Variants in TENM3 observed in about 807,000 individuals in gnomAD.
TENM3 encodes the protein teneurin-3.
TENM3 carries 63 observed loss-of-function variants against 255.1 expected under a neutral mutation model. That is an observed-to-expected ratio of 0.25 (90% confidence interval 0.20 to 0.30). The LOEUF is 0.30. Ranked by LOEUF, TENM3 falls within the 10% of genes least tolerant of loss-of-function variation. The pLI, the probability that TENM3 is intolerant of heterozygous loss-of-function variation, is 1.00. For synonymous variants in TENM3, 1,306 were observed against 1,322.3 expected, an observed-to-expected ratio of 0.99 and a Z score of 0.27; for missense variants, 2,929 against 3,461.1, an observed-to-expected ratio of 0.85 and a Z score of 3.86.
intron 3 of TENM3, among the ~76,000 whole-genome samples, chr4:182,571,186 A>G (rs532992216): frequency 2.8e-4 from 42 of 152,304 alleles, no homozygotes; most frequent in African/African-American, 9.9e-4. Flanking sequence ...ATGAGGCTGT[A>G]TTATCATGAG....
chr4:181,667,306 TC>T, the TENM3 span, among the ~76,000 whole-genome samples: 3 of 152,104 alleles, frequency 2.0e-5, no homozygotes, highest in African/African-American at 7.2e-5. Flanking sequence ...GCACATCACT[TC>T]CAGACTGGTC....
chr4:182,130,590 C>T, the TENM3 span, among the ~76,000 whole-genome samples: 1 of 151,946 alleles, frequency 6.6e-6, no homozygotes, highest in Non-Finnish European at 1.5e-5. Flanking sequence ...ATTTTCATTA[C>T]CAAGTAAAAG....
chr4:182,527,958 C>T (rs565256393), intron 3 of TENM3, among the ~76,000 whole-genome samples: 1 of 152,176 alleles, frequency 6.6e-6, no homozygotes. Context: ...CATCTCTTGA[C>T]CTCGTGATCT....
intron 1 of TENM3, among the ~76,000 whole-genome samples, chr4:182,174,297 T>C (rs571950344): frequency 1.3e-5 from 2 of 151,982 alleles, no homozygotes; most frequent in South Asian, 4.1e-4. Context: ...ATTAGAAATG[T>C]AATTTATATA....
At chr4:182,755,418 C>T (rs931185017) in intron 22 of TENM3, 159 bp downstream of exon 22, 27 of 667,374 alleles carry the variant, frequency 4.0e-5, no homozygotes, top group African/African-American at 2.2e-4. Flanking sequence ...GGCTCATTCC[C>T]GTAGTCTCAG....
At chr4:181,667,377 T>C in the TENM3 span, among the ~76,000 whole-genome samples, 11 of 152,318 alleles carry the variant, frequency 7.2e-5, no homozygotes, top group African/African-American at 2.6e-4. Context: ...ACTACTGCTG[T>C]TTGTTTATAA....
the TENM3 span, among the ~76,000 whole-genome samples, chr4:182,010,945 C>T: frequency 5.3e-5 from 8 of 152,324 alleles, no homozygotes; most frequent in South Asian, 1.7e-3. Context: ...TCTGTGACAT[C>T]ATTCTCTTCA....
chr4:181,976,765 G>A, the TENM3 span, among the ~76,000 whole-genome samples: 3 of 152,166 alleles, frequency 2.0e-5, no homozygotes, highest in Middle Eastern at 3.2e-3. Flanking sequence ...GGAGTTGTCC[G>A]GATAGAAATG....
chr4:181,473,987 T>A, the TENM3 span, among the ~76,000 whole-genome samples: 11 of 151,690 alleles, frequency 7.3e-5, no homozygotes, highest in Admixed American at 2.0e-4. Flanking sequence ...GGCTCAATTT[T>A]AAAAATTTTA....
the TENM3 span, among the ~76,000 whole-genome samples, chr4:181,546,012 A>G: frequency 5.9e-5 from 9 of 152,220 alleles, no homozygotes; most frequent in Non-Finnish European, 1.0e-4. Flanking sequence ...TCTTGGAAAC[A>G]TACAGAGGAA....
chr4:181,501,599 C>T, the TENM3 span, among the ~76,000 whole-genome samples: 6 of 151,956 alleles, frequency 3.9e-5, no homozygotes, highest in Admixed American at 1.3e-4. Flanking sequence ...AGGCTGCTCT[C>T]GAATTCCTGG....
intron 2 of TENM3, among the ~76,000 whole-genome samples, chr4:182,330,125 G>T (rs1763654527): frequency 6.6e-6 from 1 of 152,116 alleles, no homozygotes; most frequent in Admixed American, 6.5e-5. Flanking sequence ...GGAGAGGAAA[G>T]ATTTCTTTTC....
At chr4:181,664,619 T>A in the TENM3 span, among the ~76,000 whole-genome samples, 2 of 152,154 alleles carry the variant, frequency 1.3e-5, no homozygotes, top group Non-Finnish European at 2.9e-5. Flanking sequence ...TCTACAGACT[T>A]CCAAGCTCAC....
chr4:182,784,710 C>T (rs1467796351), intron 24 of TENM3, among the ~76,000 whole-genome samples: 3 of 151,558 alleles, frequency 2.0e-5, no homozygotes, highest in East Asian at 2.0e-4. Flanking sequence ...AGCGAGACTC[C>T]GTGGGCGTAG....
intron 1 of TENM3, among the ~76,000 whole-genome samples, chr4:182,163,775 G>T (rs75093823): frequency 6.6e-6 from 1 of 152,270 alleles, no homozygotes; most frequent in East Asian, 1.9e-4. Context: ...TGCCCAAGAA[G>T]AGCTTGATTT....
At chr4:182,101,076 A>AGGGAGGGAGGG in the TENM3 span, among the ~76,000 whole-genome samples, 10 of 10,594 alleles carry the variant, frequency 9.4e-4, 1 homozygote, top group Non-Finnish European at 2.7e-3. Flanking sequence ...AAAAGAAAGG[A>AGGGAGGGAGGG]AGGGAGGGAG....
At chr4:182,725,088 T>C (rs1391719598) in intron 13 of TENM3, among the ~76,000 whole-genome samples, 1 of 151,778 alleles carries the variant, frequency 6.6e-6, no homozygotes, top group Non-Finnish European at 1.5e-5. Flanking sequence ...GGCCTCTCCC[T>C]GTCGCCCAGG....
At chr4:182,428,518 C>T (rs1278480439) in intron 3 of TENM3, among the ~76,000 whole-genome samples, 1 of 151,336 alleles carries the variant, frequency 6.6e-6, no homozygotes, top group Admixed American at 6.6e-5. Flanking sequence ...AGTATAGAGC[C>T]AGATCATTTT....
At chr4:182,170,953 G>A (rs1037566688) in intron 1 of TENM3, among the ~76,000 whole-genome samples, 5 of 151,870 alleles carry the variant, frequency 3.3e-5, no homozygotes, top group Non-Finnish European at 5.9e-5. Flanking sequence ...ATACATCATC[G>A]GTAGTTTTGC....
Sources: gnomAD v4.1 joint callset for allele counts (sites outside exome capture counted in the v4.1 genomes callset) on GRCh38, gnomAD v4.1.1 for gene constraint, MANE v1.5 for transcripts, NCBI Gene and HGNC (gene_info 2026-07-23, HGNC 2026-07-21) for gene names.